The following SLC6A18 variants were observed in gnomAD, a reference collection of about 807,000 sequenced individuals.
SLC6A18 encodes the protein solute carrier family 6 member 18, also known as inactive sodium-dependent neutral amino acid transporter B(0)AT3.
SLC6A18 carries 58 observed loss-of-function variants against 62.9 expected under a neutral mutation model. The ratio of observed to expected loss-of-function variants is 0.92; its 90% CI spans 0.75 to 1.15. The LOEUF (loss-of-function observed/expected upper bound fraction) is 1.15, where lower values mean the gene tolerates loss of function less well. Among genes scored for constraint, SLC6A18 ranks in the 50% most tolerant of loss-of-function variants. The probability of loss-of-function intolerance (pLI) is 0.00; values close to 1 mark genes in which losing one functional copy is unlikely to be tolerated. For synonymous variants in SLC6A18, 382 were observed against 365.8 expected (o/e 1.04, Z -0.51); for missense variants, 793 against 836.6 (o/e 0.95, Z 0.64).
intron 7 of SLC6A18, 136 bp downstream of exon 7, chr5:1,240,795 C>A: frequency 8.0e-7 from 1 of 1,245,380 alleles, no homozygotes; most frequent in Non-Finnish European, 1.1e-6. Flanking sequence ...TGAATGGTGT[C>A]CCCAGAAGGT....
chr5:1,235,576 A>C lies in SLC6A18; in HGVS notation c.535A>C (p.Ile179Leu). Residue 179 changes from isoleucine (I) to leucine (L), a missense_variant, in exon 4 of 12, where the codon ATC (isoleucine) becomes CTC (leucine). Coordinates refer to ENST00000324642, the MANE Select transcript of SLC6A18 (RefSeq NM_182632.3). ...ITADINDSGS[I>L]QWWLLICLAA... ...AGCCGACATCAATGACAGTGGCTCC[A>C]TCCAGTGGTGGCTGCTCATCTGCTT... 1 of 1,614,050 alleles carries C rather than the reference A, an allele frequency of 6.2e-7. No individual in the cohort carries two copies. The highest frequency in any genetic ancestry group is 8.5e-7 in the Non-Finnish European group (1 of 1,180,032).
chr5:1,244,577 A>G (rs1207692225), intron 10 of SLC6A18, 31 bp from the exon 11 acceptor site: 3 of 1,571,402 alleles, frequency 1.9e-6, no homozygotes, highest in Non-Finnish European at 1.7e-6. Flanking sequence ...TCCACAGACC[A>G]TGTGAAGCCT....
At chr5:1,231,031 G>A (rs1036430771) in intron 1 of SLC6A18, among the ~76,000 whole-genome samples, 7 of 152,330 alleles carry the variant, frequency 4.6e-5, no homozygotes, top group Non-Finnish European at 1.5e-5. Flanking sequence ...CCAGGAGCCC[G>A]GGAGAACCAG....
chr5:1,231,500 C>A lies in SLC6A18; in HGVS notation c.161-719C>A, dbSNP rs1038141466. 4.7e-4 allele frequency among the ~76,000 whole-genome samples: 72 copies of A among 152,280 alleles called. 1 individual carries two copies. Among genetic ancestry groups the A allele is most frequent in the Admixed American group, 4.4e-3 (68 of 15,300 alleles). On this transcript the variant is annotated intron_variant, in intron 1 of 11. Coordinates refer to ENST00000324642, the MANE Select transcript of SLC6A18 (RefSeq NM_182632.3). ...AGATGGTTCCAGTTCCCAGGAGAGA[C>A]CGCCAGCCGCCCCGGGTTCCTCGTG...
At chr5:1,244,117 T>C in intron 9 of SLC6A18, 97 bp from the exon 10 acceptor site, 1 of 1,087,276 alleles carries the variant, frequency 9.2e-7, no homozygotes, top group Non-Finnish European at 1.3e-6. Context: ...CTCCCCGCTG[T>C]CCGAGGGCAG....
chr5:1,244,271 A>C lies in SLC6A18; in HGVS notation c.1394A>C (p.Asn465Thr). 1 of 1,613,274 alleles carries C rather than the reference A, an allele frequency of 6.2e-7. No homozygotes were observed. Among genetic ancestry groups the C allele is most frequent in the Non-Finnish European group, 8.5e-7 (1 of 1,179,636 alleles). The change falls in exon 10 of 12, where the codon AAC (asparagine) becomes ACC (threonine). Residue 465 changes from asparagine (N) to threonine (T), a missense_variant. Physicochemically the swap from Asn to Thr is moderately conservative, Grantham distance 65. Coordinates refer to ENST00000324642, the MANE Select transcript of SLC6A18 (RefSeq NM_182632.3). ...SATCFTLQSG[N>T]YWLEIFDNFA... ...ACCTGCTTCACGCTGCAGTCTGGGA[A>C]CTACTGGCTGGAGATTTTCGACAAT...
chr5:1,242,866 A>G lies in SLC6A18; in HGVS notation c.1131+3A>G. ...TCCTGGAAGACTTTCTGGATAAGGT[A>G]CCTGCACACCCCCTGGGGTAGCCAG... On this transcript the variant is annotated splice_donor_region_variant and intron_variant, in intron 8 of 11. Transcript: ENST00000324642. 1 of 1,605,044 alleles carries G rather than the reference A, an allele frequency of 6.2e-7. No homozygotes were observed. Among genetic ancestry groups the G allele is most frequent in the Non-Finnish European group, 8.5e-7 (1 of 1,174,706 alleles).
intron 3 of SLC6A18, 108 bp downstream of exon 3, chr5:1,232,996 G>T (rs1746775529): frequency 2.1e-6 from 3 of 1,455,966 alleles, no homozygotes; most frequent in African/African-American, 1.4e-5. Context: ...CTCACCGCGG[G>T]GGGAGGGCCG....
rs541830482 is a variant in SLC6A18 at position 1,233,866 on chromosome 5, C to T, written c.439+978C>T. ...ACGCCATTCTCCTGCCTCAGCCTCC[C>T]AAATAGCTAGGACTACAGGCGCCTG... is the stretch of plus-strand genomic sequence containing the variant. On this transcript the variant is annotated intron_variant, in intron 3 of 11. Coordinates refer to ENST00000324642, the MANE Select transcript of SLC6A18 (RefSeq NM_182632.3). Among the ~76,000 whole-genome samples the T allele has an allele frequency of 1.2e-4, 19 of 152,034 alleles. 1 individual carries two copies. The highest frequency in any genetic ancestry group is 2.4e-4 in the African/African-American group (10 of 41,422).
chr5:1,243,462 G>A lies in SLC6A18; in HGVS notation c.1132-93G>A, dbSNP rs558281716. 31 of 1,427,996 alleles carry A rather than the reference G, an allele frequency of 2.2e-5. No homozygotes were observed. Among genetic ancestry groups the A allele is most frequent in the Middle Eastern group, 2.4e-4 (1 of 4,138 alleles). 88.5% of individuals were successfully genotyped at this position (1,427,996 alleles called of 1,614,324 possible). On this transcript the variant is annotated intron_variant, in intron 8 of 11. Coordinates refer to ENST00000324642, the MANE Select transcript of SLC6A18 (RefSeq NM_182632.3). This position sits in a 1 kb window ranked among gnomAD's most constrained non-coding sequence, Gnocchi z 6.5. ...AGGGGTGATGTGCACTCGTGTCCTCGGCCTGGGAGAGTGTGTGTCCTGCAG... is the reference window on the plus strand; with the variant it reads ...AGGGGTGATGTGCACTCGTGTCCTCAGCCTGGGAGAGTGTGTGTCCTGCAG...
chr5:1,244,699 A>G lies in SLC6A18; in HGVS notation c.1588A>G (p.Ile530Val). The part of the protein sequence containing the change: ...WRVVSPLLLT[I>V]FVAYIILLFW... The stretch of plus-strand genomic sequence containing the variant: ...GGTGGTCAGTCCCCTGCTGCTGACC[A>G]TCTTTGTGGCTTACATCATCCTCCT... Residue 530 changes from isoleucine (I) to valine (V), a missense_variant, in exon 11 of 12, where the codon ATC becomes GTC. Coordinates refer to ENST00000324642, the MANE Select transcript of SLC6A18 (RefSeq NM_182632.3). 1 of 1,613,234 alleles carries G rather than the reference A, an allele frequency of 6.2e-7. No homozygotes were observed. Among genetic ancestry groups the G allele is most frequent in the Non-Finnish European group, 8.5e-7 (1 of 1,179,298 alleles).
At chr5:1,240,809 T>A in intron 7 of SLC6A18, 150 bp downstream of exon 7, 1 of 1,126,824 alleles carries the variant, frequency 8.9e-7, no homozygotes, top group East Asian at 2.6e-5. Flanking sequence ...AGAAGGTCAC[T>A]TCCACCCAAA....
At position 1,244,625 on chromosome 5, in the gene SLC6A18, C is replaced by T. The variant is rs372855924; in HGVS notation, c.1514C>T (p.Ala505Val). The T allele has an allele frequency of 1.6e-5, 26 of 1,602,440 alleles. No individual in the cohort carries two copies. Among genetic ancestry groups the T allele is most frequent in the Non-Finnish European group, 2.0e-5 (24 of 1,172,008 alleles). The change falls in exon 11 of 12, where the codon GCG becomes GTG. Residue 505 changes from alanine to valine, a missense_variant. Ala to Val is a moderately conservative substitution (Grantham distance 64). Transcript: ENST00000324642. The stretch of plus-strand genomic sequence containing the variant: ...TGGTGCAGGTTCTGCGATGACATTG[C>T]GTGGATGACCGGGAGGCGGCCCAGC... ...YGMKRFCDDI[A>V]WMTGRRPSPY...
chr5:1,226,378 G>T (rs578153887), intron 1 of SLC6A18, among the ~76,000 whole-genome samples: 119 of 152,254 alleles, frequency 7.8e-4, no homozygotes, highest in East Asian at 7.7e-4. Context: ...ACAACATCAC[G>T]CATGGACACC....
chr5:1,239,992 T>C (rs1453097002), intron 6 of SLC6A18, among the ~76,000 whole-genome samples: 3 of 152,248 alleles, frequency 2.0e-5, no homozygotes, highest in Non-Finnish European at 4.4e-5. Flanking sequence ...ACAAGCCTTA[T>C]TTCCCGTGGC....
In SLC6A18 at chr5:1,225,553, C is replaced by A; in HGVS notation, c.76C>A (p.Gln26Lys). 6.2e-7 allele frequency: 1 copy of A among 1,613,254 alleles called. No individual in the cohort carries two copies. The highest frequency in any genetic ancestry group is 2.2e-5 in the East Asian group (1 of 44,870). ...DERPKWDNKAQYLLSCTGFAV... is the reference protein window; with the variant it reads ...DERPKWDNKAKYLLSCTGFAV... ...GAGGCCCAAGTGGGACAACAAGGCC[C>A]AGTACCTCCTGAGCTGCACTGGGTT... Residue 26 changes from glutamine (Q) to lysine (K), a missense_variant, in exon 1 of 12, where the codon CAG (glutamine) becomes AAG (lysine). By Grantham distance (53) the Gln-to-Lys change is moderately conservative (BLOSUM62 1). Transcript: ENST00000324642.
rs559422701 is a variant in SLC6A18 at position 1,233,038 on chromosome 5, C to T, written c.439+150C>T. 1.1e-4 allele frequency: 131 copies of T among 1,164,116 alleles called. 1 individual carries two copies. The highest frequency in any genetic ancestry group is 6.2e-4 in the South Asian group (39 of 62,964). 72.1% of individuals were successfully genotyped at this position (1,164,116 alleles called of 1,614,324 possible). On this transcript the variant is annotated intron_variant, in intron 3 of 11. Coordinates refer to ENST00000324642, the MANE Select transcript of SLC6A18 (RefSeq NM_182632.3). ...CGGTTGCTCTGTGTGCACATGCACGCGCCTCGGTCTCCCCAGGAGCACACG... is the reference window on the plus strand; with the variant it reads ...CGGTTGCTCTGTGTGCACATGCACGTGCCTCGGTCTCCCCAGGAGCACACG...
At chr5:1,240,344 TAG>T (rs1442282386) in intron 6 of SLC6A18, among the ~76,000 whole-genome samples, 185 bp from the exon 7 acceptor site, 1 of 151,864 alleles carries the variant, frequency 6.6e-6, no homozygotes, top group Non-Finnish European at 1.5e-5. Context: ...GCTGCTGGAG[TAG>T]ACTGTTGGGG....
intron 9 of SLC6A18, 44 bp from the exon 10 acceptor site, chr5:1,244,170 C>A: frequency 4.9e-6 from 4 of 818,788 alleles, no homozygotes; most frequent in South Asian, 1.6e-5. Context: ...CACACCTCCA[C>A]TCCCCATCCC....
Sources: allele counts gnomAD v4.1 joint callset (sites outside exome capture counted in the v4.1 genomes callset), GRCh38; gene constraint gnomAD v4.1.1; non-coding constraint Gnocchi (gnomAD v3.1); transcripts MANE v1.5; gene names NCBI Gene and HGNC (gene_info 2026-07-23, HGNC 2026-07-21).